LRRC36: variants seen among roughly 807,000 people sequenced by gnomAD.
LRRC36 encodes leucine rich repeat containing 36, also known as leucine-rich repeat-containing protein 36.
In LRRC36, 62 loss-of-function variants were observed where a neutral mutation model predicts 81.1. That is an observed-to-expected ratio of 0.76 (90% CI 0.62 to 0.94). The LOEUF is 0.94. Ranked by LOEUF, LRRC36 falls within the 40% of genes least tolerant of loss-of-function variation. The pLI, the probability that LRRC36 is intolerant of heterozygous loss-of-function variation, is 0.00. For missense variants in LRRC36, 761 were observed against 881.7 expected, an observed-to-expected ratio of 0.86 and a Z score of 1.73; for synonymous variants, 334 against 348.6, an observed-to-expected ratio of 0.96 and a Z score of 0.47.
Position 67,378,704 on chromosome 16 carries a change from A to G in LRRC36, c.1922A>G (p.His641Arg). Residue 641 changes from histidine to arginine, a missense_variant, in exon 12 of 14, where the codon CAT becomes CGT. Physicochemically the swap from His to Arg is conservative, Grantham distance 29. Around this residue, in one of 3 missense-constraint regions of LRRC36, gnomAD observed 359 missense variants for 388.4 expected, o/e 0.92. Transcript: ENST00000329956. ...TCAATTGTGAGTGGGCAACAGTCAC[A>G]TACTTATGGTAAGTTGAGGAAAGCC... ...AISIVSGQQS[H>R]TYDDLLHKNQ... 1 of 1,613,968 alleles carries G rather than the reference A, an allele frequency of 6.2e-7. No individual in the cohort carries two copies. Among genetic ancestry groups the G allele is most frequent in the Non-Finnish European group, 8.5e-7 (1 of 1,179,878 alleles).
chr16:67,373,180 T>G (rs533822515), intron 9 of LRRC36, among the ~76,000 whole-genome samples: 171 of 151,916 alleles, frequency 1.1e-3, no homozygotes, highest in South Asian at 1.9e-3. Context: ...TAGGAGACCC[T>G]CTCTCTACAA....
intron 3 of LRRC36, among the ~76,000 whole-genome samples, chr16:67,346,857 T>G (rs1413177052): frequency 3.3e-5 from 5 of 152,034 alleles, no homozygotes; most frequent in Non-Finnish European, 7.4e-5. Context: ...TATTTTCTTA[T>G]TATTTTACTT....
rs2039615096 is a variant in LRRC36, at chr16:67,371,055, A to G, written c.1307A>G (p.Asn436Ser). The change falls in exon 9 of 14, where the codon AAC (asparagine) becomes AGC (serine). Residue 436 changes from asparagine to serine, a missense_variant. Transcript: ENST00000329956. ...DLTPAHGSVP[N>S]NAVLGNRTTP... ...ACACCAGCACATGGTTCTGTCCCAA[A>G]CAACGCTGTCCTGGGAAACAGGACA... The G allele has an allele frequency of 6.2e-7, 1 of 1,614,082 alleles. No homozygotes were observed. The highest frequency in any genetic ancestry group is 1.3e-5 in the African/African-American group (1 of 74,928).
chr16:67,334,271 G>A (rs1394772500), intron 1 of LRRC36, among the ~76,000 whole-genome samples: 7 of 151,658 alleles, frequency 4.6e-5, no homozygotes, highest in Middle Eastern at 6.9e-3. Context: ...CGCCCGCCTC[G>A]GCTTCCCAAA....
At chr16:67,368,403 A>G (rs1037213413) in intron 8 of LRRC36, among the ~76,000 whole-genome samples, 1 of 152,238 alleles carries the variant, frequency 6.6e-6, no homozygotes, top group African/African-American at 2.4e-5. Flanking sequence ...AGCTTCTCTG[A>G]TGAGGCACCA....
At chr16:67,333,619 G>A (rs2037605823) in intron 1 of LRRC36, among the ~76,000 whole-genome samples, 1 of 151,842 alleles carries the variant, frequency 6.6e-6, no homozygotes, top group South Asian at 2.1e-4. Context: ...TGCCTCTTCT[G>A]GGTATTTCAT....
At chr16:67,356,964 A>G (rs930430804) in intron 5 of LRRC36, among the ~76,000 whole-genome samples, 3 of 152,168 alleles carry the variant, frequency 2.0e-5, no homozygotes, top group Non-Finnish European at 2.9e-5. Flanking sequence ...TCTCTTGAAA[A>G]TAGGTAATAA....
In LRRC36 at chr16:67,382,141, C is replaced by T. The variant is rs748473392; in HGVS notation, c.1939C>T (p.Leu647=). The T allele has an allele frequency of 4.8e-5, 77 of 1,612,484 alleles. No individual in the cohort carries two copies. The highest frequency in any genetic ancestry group is 1.1e-4 in the African/African-American group (8 of 74,888). Residue 647 remains leucine, a synonymous_variant, in exon 13 of 14, where the codon CTG becomes TTG. Coordinates refer to ENST00000329956, the MANE Select transcript of LRRC36 (RefSeq NM_018296.6). ...TACTGTGCCCTTTGTAGATGATCTTCTGCACAAAAACCAACAGCTGACCAT... is the reference window on the plus strand; with the variant it reads ...TACTGTGCCCTTTGTAGATGATCTTTTGCACAAAAACCAACAGCTGACCAT... ...GQQSHTYDDL[L]HKNQQLTMQV...
chr16:67,348,750 G>A (rs1567476881), intron 4 of LRRC36: 1 of 152,160 alleles, frequency 6.6e-6, no homozygotes, highest in Non-Finnish European at 1.5e-5. Context: ...AACTCCATGA[G>A]AACAAGGATC....
chr16:67,378,588 G>A lies in LRRC36; in HGVS notation c.1807-1G>A. On this transcript the variant is annotated splice_acceptor_variant, in intron 11 of 13. Transcript: ENST00000329956. LOFTEE classifies it high-confidence loss of function. ...TTTGTATTTTGTTTTCTAATCTAAA[G>A]GAAAGTTTGAAGCAAAAACTGGTCA... 4 of 1,613,624 alleles carry A rather than the reference G, an allele frequency of 2.5e-6. No homozygotes were observed. The highest frequency in any genetic ancestry group is 3.4e-6 in the Non-Finnish European group (4 of 1,179,746).
chr16:67,337,779 G>C (rs1296413862), intron 1 of LRRC36, among the ~76,000 whole-genome samples: 1 of 151,658 alleles, frequency 6.6e-6, no homozygotes, highest in East Asian at 1.9e-4. Flanking sequence ...ACATTTTTGG[G>C]TCTCAAGATC....
At chr16:67,343,800 A>G (rs932789190) in intron 2 of LRRC36, among the ~76,000 whole-genome samples, 2 of 151,492 alleles carry the variant, frequency 1.3e-5, no homozygotes, top group Non-Finnish European at 1.5e-5. Context: ...AGTTTTCTAT[A>G]TTTTTTGCAT....
intron 5 of LRRC36, among the ~76,000 whole-genome samples, chr16:67,357,294 G>GA (rs1183998284): frequency 1.3e-5 from 2 of 152,000 alleles, no homozygotes; most frequent in African/African-American, 4.8e-5. Flanking sequence ...TTCATGATGG[G>GA]AAAAAAACCA....
intron 5 of LRRC36, among the ~76,000 whole-genome samples, chr16:67,353,338 T>A (rs2038743723): frequency 6.6e-6 from 1 of 152,130 alleles, no homozygotes; most frequent in South Asian, 2.1e-4. Flanking sequence ...GATCCACAAT[T>A]GACGAGCCTT....
chr16:67,328,452 G>A (rs1462586670), intron 1 of LRRC36, among the ~76,000 whole-genome samples: 1 of 152,148 alleles, frequency 6.6e-6, no homozygotes, highest in African/African-American at 2.4e-5. Context: ...GGCGGAGCTT[G>A]CAGTGAGCCG....
In LRRC36 at chr16:67,368,588, A is replaced by G. The variant is rs59924161; in HGVS notation, c.1195+1131A>G. 4.6e-3 allele frequency among the ~76,000 whole-genome samples: 695 copies of G among 152,362 alleles called. 5 individuals carry two copies. Among genetic ancestry groups the G allele is most frequent in the African/African-American group, 0.015 (640 of 41,580 alleles). Reference sequence around the variant, plus strand: ...CAAAGAAAGTAGAGTGTATAGATGAAGTAAGAAAGATGCCAGACTTTTTTC... The same window carrying G: ...CAAAGAAAGTAGAGTGTATAGATGAGGTAAGAAAGATGCCAGACTTTTTTC... On this transcript the variant is annotated intron_variant, in intron 8 of 13. Transcript: ENST00000329956.
chr16:67,365,355 G>A lies in LRRC36; in HGVS notation c.754G>A (p.Glu252Lys). ...EMPSDNHQED[E>K]FRHYSPRQST... Reference sequence around the variant, plus strand: ...GCCAAGTGACAATCACCAGGAAGATGGTAAATATTTTGCTCACTGAGTATT... The same window carrying A: ...GCCAAGTGACAATCACCAGGAAGATAGTAAATATTTTGCTCACTGAGTATT... Residue 252 changes from glutamate to lysine, a missense_variant and splice_region_variant, in exon 7 of 14, where the codon GAG (glutamate) becomes AAG (lysine). By Grantham distance (56) the Glu-to-Lys change is moderately conservative. Around this residue, in one of 3 missense-constraint regions of LRRC36, gnomAD observed 139 missense variants for 214.0 expected, o/e 0.65. Coordinates refer to ENST00000329956, the MANE Select transcript of LRRC36 (RefSeq NM_018296.6). 2 of 1,612,950 alleles carry A rather than the reference G, an allele frequency of 1.2e-6. No homozygotes were observed. The highest frequency in any genetic ancestry group is 1.7e-4 in the Middle Eastern group (1 of 6,058).
intron 1 of LRRC36, 42 bp downstream of exon 1, chr16:67,326,974 C>CA: frequency 6.8e-7 from 1 of 1,468,416 alleles, no homozygotes; most frequent in East Asian, 2.9e-5. Flanking sequence ...AACGTAGGGT[C>CA]AGAAGCTGTG....
At chr16:67,374,757 A>G (rs1256905538) in intron 9 of LRRC36, among the ~76,000 whole-genome samples, 1 of 152,166 alleles carries the variant, frequency 6.6e-6, no homozygotes, top group East Asian at 1.9e-4. Flanking sequence ...ATCCTGGAAT[A>G]TCTTATGTTT....
Sources: gnomAD v4.1 joint callset for allele counts (sites outside exome capture counted in the v4.1 genomes callset) on GRCh38, gnomAD v4.1.1 for gene constraint, gnomAD v4.1.1 regional missense constraint, MANE v1.5 for transcripts, NCBI Gene and HGNC (gene_info 2026-07-23, HGNC 2026-07-21) for gene names.